Variants in FYB1 observed in about 807,000 individuals in gnomAD.
FYB1 encodes FYN-binding protein 1.
In FYB1, 41 loss-of-function variants were observed where a neutral mutation model predicts 94.1. That is an observed-to-expected ratio of 0.44 (90% CI 0.34 to 0.57). The LOEUF is 0.57. Ranked by LOEUF, FYB1 falls within the 20% of genes least tolerant of loss-of-function variation. FYB1 has a pLI of 0.02. For synonymous variants in FYB1, 367 were observed against 353.2 expected, an observed-to-expected ratio of 1.04 and a Z score of -0.44; for missense variants, 1,050 against 976.8, an observed-to-expected ratio of 1.07 and a Z score of -1.00.
chr5:39,145,343 A>G (rs1337290112), intron 3 of FYB1, among the ~76,000 whole-genome samples: 1 of 152,192 alleles, frequency 6.6e-6, no homozygotes, highest in Non-Finnish European at 1.5e-5. Context: ...TGGAATGTTT[A>G]AAAATGAAAT....
chr5:39,178,759 A>G (rs1227093147), intron 2 of FYB1, among the ~76,000 whole-genome samples: 1 of 152,358 alleles, frequency 6.6e-6, no homozygotes, highest in African/African-American at 2.4e-5. Context: ...CTTTAAAGAA[A>G]TATCACCTGG....
intron 1 of FYB1, among the ~76,000 whole-genome samples, chr5:39,238,244 T>C (rs1457428941): frequency 2.0e-5 from 3 of 152,060 alleles, no homozygotes; most frequent in Admixed American, 2.0e-4. Context: ...ATATATTATA[T>C]ACATCCTATA....
At chr5:39,221,094 C>T (rs1040867693), upstream of FYB1, among the ~76,000 whole-genome samples, 1 of 152,222 alleles carries the variant, frequency 6.6e-6, no homozygotes, top group Admixed American at 6.5e-5. Context: ...ATTTTCTAGT[C>T]CCTCTTGACA....
intron 16 of FYB1, among the ~76,000 whole-genome samples, chr5:39,117,725 A>T (rs1156421154): frequency 6.6e-6 from 1 of 152,080 alleles, no homozygotes; most frequent in Non-Finnish European, 1.5e-5. Context: ...CTTAGAGTCC[A>T]TGTTTTCCAT....
chr5:39,260,101 G>A (rs764996196), intron 1 of FYB1, among the ~76,000 whole-genome samples: 7 of 152,208 alleles, frequency 4.6e-5, no homozygotes, highest in Non-Finnish European at 7.3e-5. Context: ...ATGGAGGATA[G>A]GTGATCAGAG....
intron 2 of FYB1, among the ~76,000 whole-genome samples, chr5:39,196,788 A>G (rs1397552579): frequency 6.6e-6 from 1 of 152,210 alleles, no homozygotes. Flanking sequence ...GTGGGAACAC[A>G]GTCTGCGGAA....
intron 1 of FYB1, among the ~76,000 whole-genome samples, chr5:39,268,782 C>T (rs921864375): frequency 6.6e-6 from 1 of 152,106 alleles, no homozygotes; most frequent in Admixed American, 6.5e-5. Context: ...TCAGGCAGGT[C>T]TCAAACTCCT....
intron 2 of FYB1, among the ~76,000 whole-genome samples, chr5:39,195,413 T>C (rs556515723): frequency 6.6e-6 from 1 of 152,134 alleles, no homozygotes; most frequent in Non-Finnish European, 1.5e-5. Context: ...AAAAGAAAGG[T>C]GATAGCTTTG....
At chr5:39,246,872 G>A (rs1318635499) in intron 1 of FYB1, among the ~76,000 whole-genome samples, 3 of 151,956 alleles carry the variant, frequency 2.0e-5, no homozygotes. Flanking sequence ...GAGGGTTAGA[G>A]CCTGGGCTTT....
chr5:39,120,552 A>G (rs1739993026), intron 14 of FYB1, among the ~76,000 whole-genome samples: 1 of 152,108 alleles, frequency 6.6e-6, no homozygotes, highest in African/African-American at 2.4e-5. Flanking sequence ...ATTTAGTCTG[A>G]GCAAGGTCCA....
At chr5:39,273,923 T>C (rs1004633516) in intron 1 of FYB1, among the ~76,000 whole-genome samples, 1 of 152,006 alleles carries the variant, frequency 6.6e-6, no homozygotes, top group Non-Finnish European at 1.5e-5. Flanking sequence ...TTATCTATTA[T>C]GCTTTTTTTT....
At chr5:39,269,135 T>C (rs995646554) in intron 1 of FYB1, among the ~76,000 whole-genome samples, 14 of 151,672 alleles carry the variant, frequency 9.2e-5, no homozygotes, top group African/African-American at 3.1e-4. Context: ...CTGCAAGCTC[T>C]GCCTCCCGGA....
At chr5:39,252,872 G>A (rs573420375) in intron 1 of FYB1, among the ~76,000 whole-genome samples, 5 of 152,170 alleles carry the variant, frequency 3.3e-5, no homozygotes, top group African/African-American at 9.7e-5. Context: ...CTCATCCAGG[G>A]TTGCTGCAAG....
chr5:39,130,294 T>C (rs1054482969), intron 10 of FYB1, among the ~76,000 whole-genome samples: 3 of 151,976 alleles, frequency 2.0e-5, no homozygotes, highest in African/African-American at 7.2e-5. Context: ...GAGAGATTGG[T>C]GAATGGGTAC....
chr5:39,137,398 A>G (rs1741761783), intron 7 of FYB1: 2 of 440,468 alleles, frequency 4.5e-6, no homozygotes, highest in East Asian at 4.9e-5. Flanking sequence ...ATGAACCAAT[A>G]TATTTATTTA....
chr5:39,160,333 C>A (rs1251535290), intron 2 of FYB1, among the ~76,000 whole-genome samples: 1 of 152,122 alleles, frequency 6.6e-6, no homozygotes, highest in East Asian at 1.9e-4. Context: ...AGTCTACTCC[C>A]CTCAATTGCA....
chr5:39,211,042 A>T (rs1346034310), intron 1 of FYB1: 1 of 152,218 alleles, frequency 6.6e-6, no homozygotes, highest in Non-Finnish European at 1.5e-5. Context: ...AATTTTTTAT[A>T]GCAAATTTAA....
rs553723064 is a variant in FYB1, at chr5:39,171,572, T to C, written c.1136-17968A>G. 7.0e-4 allele frequency among the ~76,000 whole-genome samples: 106 copies of C among 152,310 alleles called. 1 individual carries two copies. Among genetic ancestry groups the C allele is most frequent in the African/African-American group, 2.5e-3 (103 of 41,564 alleles). The stretch of plus-strand genomic sequence containing the variant: ...AAATGGTGGGTACACATGTCTCATT[T>C]GAAGTTCAACCTAAAGAGGCAACAG... On this transcript the variant is annotated intron_variant, in intron 2 of 18. Coordinates refer to ENST00000512982, the MANE Select transcript of FYB1 (RefSeq NM_001465.6).
chr5:39,125,973 C>T, intron 12 of FYB1, 25 bp downstream of exon 12: 1 of 1,609,794 alleles, frequency 6.2e-7, no homozygotes, highest in Non-Finnish European at 8.5e-7. Flanking sequence ...TTATTGTACA[C>T]TGGATTTGGT....
Sources: gnomAD v4.1 joint callset for allele counts (sites outside exome capture counted in the v4.1 genomes callset) on GRCh38, gnomAD v4.1.1 for gene constraint, MANE v1.5 for transcripts, NCBI Gene and HGNC (gene_info 2026-07-23, HGNC 2026-07-21) for gene names.